The following NALF1 variants were observed in gnomAD, a reference collection of about 807,000 sequenced individuals.
The protein encoded by NALF1 is NALCN channel auxiliary factor 1.
NALF1 carries 3 observed loss-of-function variants against 48.4 expected under a neutral mutation model. That is an observed-to-expected ratio of 0.06 (90% CI 0.03 to 0.16). NALF1 has a LOEUF of 0.16. Among genes scored for constraint, NALF1 ranks in the 10% least tolerant of loss-of-function variants. NALF1 has a pLI of 1.00. For synonymous variants in NALF1, 262 were observed against 245.7 expected (o/e 1.07, Z -0.62); for missense variants, 526 against 571.5 (o/e 0.92, Z 0.81).
At chr13:107,336,447 T>C (rs1050254479) in intron 1 of NALF1, among the ~76,000 whole-genome samples, 1 of 152,080 alleles carries the variant, frequency 6.6e-6, no homozygotes, top group Non-Finnish European at 1.5e-5. Context: ...CTTCACAGTA[T>C]ACATTCTACA....
At chr13:107,555,709 T>C (rs1208573483) in intron 1 of NALF1, among the ~76,000 whole-genome samples, 1 of 152,092 alleles carries the variant, frequency 6.6e-6, no homozygotes. Flanking sequence ...AATTGCTTTA[T>C]TGTTAATCAG....
intron 1 of NALF1, among the ~76,000 whole-genome samples, chr13:107,218,501 G>T (rs894745240): frequency 1.3e-5 from 2 of 152,092 alleles, no homozygotes; most frequent in East Asian, 3.9e-4. Context: ...CTGAGATCCT[G>T]CCCAGAGCAG....
In NALF1 at chr13:107,466,930, G is replaced by A. The variant is rs376503939; in HGVS notation, c.916-256175C>T. The stretch of plus-strand genomic sequence containing the variant: ...CAACCAGGGTATGGGTGTGGAAAAC[G>A]GCTTCTTGCTTCTTTTAAATTTCTC... On this transcript the variant is annotated intron_variant, in intron 1 of 2. Coordinates refer to ENST00000375915, the MANE Select transcript of NALF1 (RefSeq NM_001080396.3). Among the ~76,000 whole-genome samples, 5 of 152,146 alleles carry A rather than the reference G, an allele frequency of 3.3e-5. No homozygotes were observed. The East Asian group carries it at 7.7e-4, about 24-fold the overall frequency.
chr13:107,750,925 C>T (rs1876920586), intron 1 of NALF1, among the ~76,000 whole-genome samples: 1 of 152,178 alleles, frequency 6.6e-6, no homozygotes, highest in Admixed American at 6.6e-5. Flanking sequence ...GAAAGCTTCA[C>T]TTAAAGACTC....
At chr13:107,627,532 C>A (rs1349008241) in intron 1 of NALF1, among the ~76,000 whole-genome samples, 1 of 152,102 alleles carries the variant, frequency 6.6e-6, no homozygotes, top group Non-Finnish European at 1.5e-5. Context: ...CCTGTATTTT[C>A]TCTGCATGAA....
chr13:107,354,677 G>T (rs1464427745), intron 1 of NALF1, among the ~76,000 whole-genome samples: 1 of 152,130 alleles, frequency 6.6e-6, no homozygotes, highest in African/African-American at 2.4e-5. Context: ...TACTTTTTTA[G>T]AACCTGTCAT....
At chr13:107,336,246 C>T (rs9559010) in intron 1 of NALF1, among the ~76,000 whole-genome samples, 29,252 of 151,552 alleles carry the variant, frequency 0.19, 3,206 homozygotes, top group East Asian at 0.34. Context: ...CCAGCTACTC[C>T]GGAGGCTGAG....
At chr13:107,778,732 C>G (rs1262738031) in intron 1 of NALF1, among the ~76,000 whole-genome samples, 1 of 152,082 alleles carries the variant, frequency 6.6e-6, no homozygotes, top group Non-Finnish European at 1.5e-5. Flanking sequence ...TTCAAAGGCC[C>G]CATGACTCAG....
At chr13:107,444,391 A>G (rs1293272434) in intron 1 of NALF1, among the ~76,000 whole-genome samples, 1 of 152,178 alleles carries the variant, frequency 6.6e-6, no homozygotes, top group Non-Finnish European at 1.5e-5. Context: ...CACAAATATC[A>G]GGAGATTGTA....
intron 1 of NALF1, among the ~76,000 whole-genome samples, chr13:107,817,195 G>A (rs984759648): frequency 6.6e-6 from 1 of 152,104 alleles, no homozygotes; most frequent in Non-Finnish European, 1.5e-5. Flanking sequence ...TCATTACAAG[G>A]TTATCTAAAA....
chr13:107,472,108 G>T (rs781237980), intron 1 of NALF1, among the ~76,000 whole-genome samples: 3 of 152,112 alleles, frequency 2.0e-5, no homozygotes, highest in Non-Finnish European at 4.4e-5. Context: ...GAGGCAGGCA[G>T]ATCACTGGTC....
chr13:107,585,374 A>G (rs578049367), intron 1 of NALF1, among the ~76,000 whole-genome samples: 9 of 108,610 alleles, frequency 8.3e-5, no homozygotes, highest in South Asian at 5.9e-4. Flanking sequence ...AAAAAAATAG[A>G]ATAGAAAAAA....
At chr13:107,672,324 G>A (rs943036022) in intron 1 of NALF1, among the ~76,000 whole-genome samples, 6 of 152,138 alleles carry the variant, frequency 3.9e-5, no homozygotes, top group East Asian at 1.9e-4. Context: ...TCGTCAAGGC[G>A]TTTACCTTTG....
intron 1 of NALF1, among the ~76,000 whole-genome samples, chr13:107,707,690 T>C (rs60796339): frequency 0.045 from 6,912 of 152,282 alleles, 473 homozygotes; most frequent in East Asian, 0.32. Flanking sequence ...TCTGGCTAGA[T>C]ATTTGAGGGT....
intron 1 of NALF1, among the ~76,000 whole-genome samples, chr13:107,669,579 G>A (rs1880942940): frequency 6.6e-6 from 1 of 152,124 alleles, no homozygotes; most frequent in Non-Finnish European, 1.5e-5. Context: ...ATTTACAACA[G>A]GTTCACAAGC....
At chr13:107,459,043 A>T (rs1384816002) in intron 1 of NALF1, among the ~76,000 whole-genome samples, 6 of 149,282 alleles carry the variant, frequency 4.0e-5, no homozygotes, top group South Asian at 2.1e-4. Flanking sequence ...TTCAGGAATT[A>T]AAAAAAAAAG....
At chr13:107,236,828 T>G (rs1880360353) in intron 1 of NALF1, among the ~76,000 whole-genome samples, 1 of 152,316 alleles carries the variant, frequency 6.6e-6, no homozygotes, top group East Asian at 1.9e-4. Flanking sequence ...AGGATGTTTT[T>G]GTCTGTACTG....
rs1878749738 is a variant in NALF1 at position 107,169,619 on chromosome 13, T to C, written c.*878A>G. 2 of 152,242 alleles carry C rather than the reference T, an allele frequency of 1.3e-5. No homozygotes were observed. The highest frequency in any genetic ancestry group is 4.1e-4 in the South Asian group (2 of 4,830). The allele number at this position is 152,242 out of a possible 1,614,324, so 9.4% of individuals were successfully genotyped here. On this transcript the variant is annotated 3_prime_UTR_variant, in exon 3 of 3. Transcript: ENST00000375915. ...CACTTGGGGATGGGAACTGGAGCAA[T>C]ACAGTTCATGATAGTTTTTTTTAAT...
chr13:107,586,307 C>T (rs913388972), intron 1 of NALF1, among the ~76,000 whole-genome samples: 9 of 152,002 alleles, frequency 5.9e-5, no homozygotes, highest in Non-Finnish European at 1.2e-4. Context: ...TAGTAAAAGA[C>T]GAAAACACTG....
Sources: gnomAD v4.1 joint callset for allele counts (sites outside exome capture counted in the v4.1 genomes callset) on GRCh38, gnomAD v4.1.1 for gene constraint, MANE v1.5 for transcripts, NCBI Gene and HGNC (gene_info 2026-07-23, HGNC 2026-07-21) for gene names.